Variants in MYO5B observed in about 807,000 individuals in gnomAD.
The protein encoded by MYO5B is unconventional myosin-Vb.
Under a neutral mutation model 229.3 loss-of-function variants are expected in MYO5B, and 143 were observed. The observed-to-expected ratio is 0.62, with a 90% confidence interval of 0.54 to 0.72. The LOEUF (loss-of-function observed/expected upper bound fraction) is 0.72. Among genes scored for constraint, MYO5B ranks in the 30% least tolerant of loss-of-function variants. The pLI is 0.00. For synonymous variants in MYO5B, 918 were observed against 885.2 expected (o/e 1.04, Z -0.66); for missense variants, 2,321 against 2,331.0 (o/e 1.00, Z 0.09).
At chr18:50,014,294 A>AAAAC (rs1555651334) in intron 4 of MYO5B, among the ~76,000 whole-genome samples, 2 of 141,636 alleles carry the variant, frequency 1.4e-5, no homozygotes, top group Non-Finnish European at 3.0e-5. Flanking sequence ...AAAAAAAAAA[A>AAAAC]AACTACGGGT....
intron 16 of MYO5B, among the ~76,000 whole-genome samples, chr18:49,930,715 A>G (rs2025180194): frequency 1.3e-5 from 2 of 151,888 alleles, no homozygotes; most frequent in African/African-American, 4.8e-5. Flanking sequence ...ACACGGTGAA[A>G]CCCCATCTCT....
rs116031459 is a variant in MYO5B at position 49,980,341 on chromosome 18, A to C, written c.1056+103T>G. 3,050 of 865,804 alleles carry C rather than the reference A, an allele frequency of 3.5e-3. 61 individuals are homozygous for C. In the African/African-American group the frequency reaches 0.043, roughly 12 times the overall value. The allele number at this position is 865,804 out of a possible 1,614,324, so 53.6% of individuals were successfully genotyped here. A position where few individuals can be genotyped will look rare whatever the true frequency, so the allele number is the denominator to read the frequency against. On this transcript the variant is annotated intron_variant, in intron 9 of 39. Transcript: ENST00000285039. ...ACAGAAACCATTACTGTTAAGAATAAATAACCTATGAGTGTCCTCTAACTG... is the reference window on the plus strand; with the variant it reads ...ACAGAAACCATTACTGTTAAGAATACATAACCTATGAGTGTCCTCTAACTG...
chr18:49,862,047 G>A (rs368910087), intron 29 of MYO5B, among the ~76,000 whole-genome samples: 2 of 150,030 alleles, frequency 1.3e-5, no homozygotes, highest in African/African-American at 2.5e-5. Context: ...GCCCAGGGTG[G>A]AGTGCAATGG....
intron 9 of MYO5B, among the ~76,000 whole-genome samples, chr18:49,978,422 C>A (rs547348427): frequency 6.6e-6 from 1 of 152,180 alleles, no homozygotes; most frequent in African/African-American, 2.4e-5. Flanking sequence ...GTCTCGCCCC[C>A]CAATGCAGGT....
At chr18:50,142,123 C>T (rs553215952) in intron 1 of MYO5B, among the ~76,000 whole-genome samples, 2 of 152,314 alleles carry the variant, frequency 1.3e-5, no homozygotes, top group South Asian at 4.1e-4. Context: ...CTGGGTTCTG[C>T]TGTGGTCACA....
rs993433329 is a variant in MYO5B, at chr18:49,953,900, G to A, written c.1668+413C>T. Among the ~76,000 whole-genome samples the A allele has an allele frequency of 1.3e-4, 4 of 30,128 alleles. 1 individual carries two copies. Among genetic ancestry groups the A allele is most frequent in the Admixed American group, 2.9e-4 (1 of 3,498 alleles). The allele number at this position is 30,128 out of a possible 152,430, so 19.8% of individuals were successfully genotyped here. ...AGAATTTATATATACATATATGTGT[G>A]TGTGTGTGTGTGTGTGTGTGTGTGT... On this transcript the variant is annotated intron_variant, in intron 13 of 39. Coordinates refer to ENST00000285039, the MANE Select transcript of MYO5B (RefSeq NM_001080467.3).
Position 50,125,131 on chromosome 18 carries a change from C to A in MYO5B, c.27+69636G>T, listed in dbSNP as rs147332204. On this transcript the variant is annotated intron_variant, in intron 1 of 39. Transcript: ENST00000285039. Reference sequence around the variant, plus strand: ...GCCATTTGAATGGTATTGAACAGAGCGCAAACCTACCTTTACAGCTTCTCT... The same window carrying A: ...GCCATTTGAATGGTATTGAACAGAGAGCAAACCTACCTTTACAGCTTCTCT... 2.9e-4 allele frequency among the ~76,000 whole-genome samples: 44 copies of A among 152,220 alleles called. No individual in the cohort carries two copies. In the East Asian group the frequency reaches 7.2e-3, roughly 25 times the overall value.
At chr18:50,104,813 C>T (rs1338879680) in intron 1 of MYO5B, among the ~76,000 whole-genome samples, 1 of 152,058 alleles carries the variant, frequency 6.6e-6, no homozygotes, top group Non-Finnish European at 1.5e-5. Context: ...TAGCATCTGC[C>T]CCTTATTAAC....
intron 1 of MYO5B, among the ~76,000 whole-genome samples, chr18:50,093,406 T>A (rs945761213): frequency 6.6e-6 from 1 of 152,162 alleles, no homozygotes; most frequent in African/African-American, 2.4e-5. Context: ...GAGTAAATAA[T>A]ATGGATGTTA....
rs1224209897 is a variant in MYO5B, at chr18:50,148,349, C to T, written c.27+46418G>A. ...ACTCATTTTATGAGGCCAGCATCAT[C>T]CTGATACCAAAGCCTGGCAGAGACA... On this transcript the variant is annotated intron_variant, in intron 1 of 39. Transcript: ENST00000285039. Among the ~76,000 whole-genome samples, 16 of 151,358 alleles carry T rather than the reference C, an allele frequency of 1.1e-4. No individual in the cohort carries two copies. In the South Asian group the frequency reaches 2.1e-3, roughly 20 times the overall value.
intron 27 of MYO5B, among the ~76,000 whole-genome samples, chr18:49,868,584 T>C (rs530693293): frequency 2.0e-4 from 30 of 152,332 alleles, no homozygotes; most frequent in African/African-American, 6.0e-4. Flanking sequence ...CCCAGCCAGC[T>C]TCCAGGTCAG....
chr18:50,173,453 G>T (rs140951386), intron 1 of MYO5B, among the ~76,000 whole-genome samples: 1 of 152,182 alleles, frequency 6.6e-6, no homozygotes. Context: ...CAAAAGAGGA[G>T]TGACAGAGCC....
rs150420210 is a variant in MYO5B, at chr18:50,089,781, C to T, written c.28-34403G>A. Among the ~76,000 whole-genome samples the T allele has an allele frequency of 1.1e-3, 167 of 152,304 alleles. 1 individual carries two copies. Among genetic ancestry groups the T allele is most frequent in the Admixed American group, 3.1e-3 (48 of 15,314 alleles). On this transcript the variant is annotated intron_variant, in intron 1 of 39. Transcript: ENST00000285039. ...AGAGCCAGGTCGGCAACCTTTGATA[C>T]CCACCCAACAAGGCGATTCCCTGGG...
At chr18:49,942,396 A>AC (rs71169460) in intron 14 of MYO5B, among the ~76,000 whole-genome samples, 47,417 of 133,910 alleles carry the variant, frequency 0.35, 9,546 homozygotes, top group Middle Eastern at 0.62. Flanking sequence ...AAAAAAAAAA[A>AC]AAAAAAAAAC....
At chr18:50,097,243 C>A in intron 1 of MYO5B, 1 of 456,720 alleles carries the variant, frequency 2.2e-6, no homozygotes, top group South Asian at 1.5e-5. Context: ...ATTGATCTCA[C>A]CTCTCTTGTG....
In MYO5B at chr18:49,856,971, G is replaced by T. The variant is rs185431832; in HGVS notation, c.3945-81C>A. 13 of 1,247,214 alleles carry T rather than the reference G, an allele frequency of 1.0e-5. 1 individual carries two copies. In the African/African-American group the frequency reaches 1.6e-4, roughly 16 times the overall value. 77.3% of individuals were successfully genotyped at this position (1,247,214 alleles called of 1,614,324 possible). On this transcript the variant is annotated intron_variant, in intron 29 of 39. Coordinates refer to ENST00000285039, the MANE Select transcript of MYO5B (RefSeq NM_001080467.3). Reference sequence around the variant, plus strand: ...GGCAGGGAGTCCTGGAAAGTGAGGAGATTCTAGCCAAGGTTTGGAAACGAA... The same window carrying T: ...GGCAGGGAGTCCTGGAAAGTGAGGATATTCTAGCCAAGGTTTGGAAACGAA...
intron 1 of MYO5B, among the ~76,000 whole-genome samples, chr18:50,176,993 T>C (rs975944359): frequency 7.9e-5 from 12 of 152,218 alleles, no homozygotes; most frequent in Non-Finnish European, 1.6e-4. Flanking sequence ...CACCTATTCA[T>C]TTAAGATGAA....
intron 27 of MYO5B, among the ~76,000 whole-genome samples, chr18:49,866,666 C>G (rs2024400527): frequency 6.6e-6 from 1 of 152,202 alleles, no homozygotes; most frequent in Non-Finnish European, 1.5e-5. Context: ...AAGGGAGTCC[C>G]ATTCCCCGGC....
At chr18:49,946,085 T>C (rs1188786276) in intron 14 of MYO5B, among the ~76,000 whole-genome samples, 1 of 149,610 alleles carries the variant, frequency 6.7e-6, no homozygotes, top group African/African-American at 2.5e-5. Flanking sequence ...GGGGGTTAAA[T>C]TTACAGAAAT....
Sources: allele counts gnomAD v4.1 joint callset (sites outside exome capture counted in the v4.1 genomes callset), GRCh38; gene constraint gnomAD v4.1.1; transcripts MANE v1.5; gene names NCBI Gene and HGNC (gene_info 2026-07-23, HGNC 2026-07-21).